SCHIP1: variants seen among roughly 807,000 people sequenced by gnomAD.
The protein encoded by SCHIP1 is schwannomin-interacting protein 1.
A neutral mutation model predicts 29.7 loss-of-function variants in SCHIP1; 8 were observed. That is an observed-to-expected ratio of 0.27 (90% CI 0.16 to 0.49). The LOEUF is 0.49. Among genes scored for constraint, SCHIP1 ranks in the 20% least tolerant of loss-of-function variants. The pLI, the probability that SCHIP1 is intolerant of heterozygous loss-of-function variation, is 0.99. For synonymous variants in SCHIP1, 76 were observed against 94.9 expected (o/e 0.80, Z 1.16); for missense variants, 193 against 294.6 (o/e 0.66, Z 2.52).
chr3:159,606,899 C>T, the SCHIP1 span, among the ~76,000 whole-genome samples: 1 of 152,136 alleles, frequency 6.6e-6, no homozygotes, highest in African/African-American at 2.4e-5. Context: ...AAGTGCTTAA[C>T]CTCCTGGGCC....
chr3:159,633,059 G>A, the SCHIP1 span, among the ~76,000 whole-genome samples: 1 of 152,110 alleles, frequency 6.6e-6, no homozygotes, highest in Non-Finnish European at 1.5e-5. Context: ...CCACACCCTT[G>A]AAAACTCAGA....
chr3:159,595,549 A>G, the SCHIP1 span, among the ~76,000 whole-genome samples: 1 of 152,122 alleles, frequency 6.6e-6, no homozygotes, highest in Non-Finnish European at 1.5e-5. Context: ...TGATCCCAAA[A>G]CACAAGACAA....
At chr3:159,587,290 A>G in the SCHIP1 span, among the ~76,000 whole-genome samples, 1 of 152,186 alleles carries the variant, frequency 6.6e-6, no homozygotes, top group African/African-American at 2.4e-5. Flanking sequence ...CTTTTAAACG[A>G]AAGTATCTTT....
the SCHIP1 span, among the ~76,000 whole-genome samples, chr3:159,432,623 C>T: frequency 6.6e-6 from 1 of 152,070 alleles, no homozygotes; most frequent in Non-Finnish European, 1.5e-5. Flanking sequence ...TGGGGAATCT[C>T]ACACTGGAGA....
the SCHIP1 span, among the ~76,000 whole-genome samples, chr3:159,402,919 C>G: frequency 6.6e-6 from 1 of 151,096 alleles, no homozygotes; most frequent in Non-Finnish European, 1.5e-5. Context: ...TCCCCTAAAA[C>G]TTAAAGTATA....
the SCHIP1 span, among the ~76,000 whole-genome samples, chr3:159,445,132 C>A: frequency 3.9e-5 from 6 of 152,012 alleles, no homozygotes; most frequent in African/African-American, 1.4e-4. Context: ...ACTCATCTGA[C>A]AAAGGGCTAA....
chr3:159,681,989 G>A, the SCHIP1 span, among the ~76,000 whole-genome samples: 2 of 152,118 alleles, frequency 1.3e-5, no homozygotes, highest in Non-Finnish European at 2.9e-5. Context: ...ACTTAACTTG[G>A]ATTAACTCAA....
the SCHIP1 span, among the ~76,000 whole-genome samples, chr3:159,655,398 A>ATGG: frequency 4.6e-5 from 7 of 151,890 alleles, no homozygotes; most frequent in East Asian, 1.9e-4. Flanking sequence ...GATGATGATG[A>ATGG]TGGTGATGAT....
At chr3:159,374,563 T>A in the SCHIP1 span, among the ~76,000 whole-genome samples, 15 of 152,254 alleles carry the variant, frequency 9.9e-5, no homozygotes, top group East Asian at 2.7e-3. Context: ...TACTTAATGA[T>A]GAGACATGAC....
At chr3:159,350,939 C>T in the SCHIP1 span, among the ~76,000 whole-genome samples, 4 of 151,810 alleles carry the variant, frequency 2.6e-5, no homozygotes, top group African/African-American at 9.7e-5. Flanking sequence ...TTAAAAAAAA[C>T]CAAAATCTGT....
the SCHIP1 span, among the ~76,000 whole-genome samples, chr3:159,396,487 C>T: frequency 9.5e-5 from 14 of 147,504 alleles, no homozygotes; most frequent in Admixed American, 7.5e-4. Context: ...TTTAGTGCTT[C>T]CTTCAGGAGC....
chr3:159,800,712 C>T, the SCHIP1 span, among the ~76,000 whole-genome samples: 1 of 150,062 alleles, frequency 6.7e-6, no homozygotes, highest in African/African-American at 2.4e-5. Flanking sequence ...CCTGCAGTTT[C>T]CCTAACATTC....
the SCHIP1 span, among the ~76,000 whole-genome samples, chr3:159,694,853 T>G: frequency 1.3e-5 from 2 of 152,182 alleles, no homozygotes; most frequent in African/African-American, 4.8e-5. Flanking sequence ...GCATCTCAAT[T>G]ACCTTATGAT....
At chr3:159,738,870 G>A in the SCHIP1 span, among the ~76,000 whole-genome samples, 2 of 152,152 alleles carry the variant, frequency 1.3e-5, no homozygotes, top group Non-Finnish European at 2.9e-5. Context: ...AGGTAAGATC[G>A]AATATGGAAA....
chr3:159,301,864 A>C, the SCHIP1 span, among the ~76,000 whole-genome samples: 1 of 152,334 alleles, frequency 6.6e-6, no homozygotes, highest in Admixed American at 6.5e-5. Flanking sequence ...GAACGGACTA[A>C]TACAGGAACC....
the SCHIP1 span, among the ~76,000 whole-genome samples, chr3:159,642,656 T>C: frequency 6.6e-6 from 1 of 151,962 alleles, no homozygotes; most frequent in East Asian, 1.9e-4. Flanking sequence ...AGGCAAAAAA[T>C]AAAAATCACA....
chr3:159,612,703 C>T, the SCHIP1 span, among the ~76,000 whole-genome samples: 16 of 152,272 alleles, frequency 1.1e-4, no homozygotes, highest in South Asian at 2.1e-4. Context: ...GCCGAGATCA[C>T]GCCATTGCAC....
At chr3:159,587,360 G>T in the SCHIP1 span, among the ~76,000 whole-genome samples, 1 of 149,394 alleles carries the variant, frequency 6.7e-6, no homozygotes, top group African/African-American at 2.5e-5. Context: ...AGAACAAGAT[G>T]AATAAAAAAC....
chr3:159,456,176 G>A, the SCHIP1 span, among the ~76,000 whole-genome samples: 1 of 152,058 alleles, frequency 6.6e-6, no homozygotes, highest in Non-Finnish European at 1.5e-5. Context: ...GAGCTTGCTG[G>A]GTTGGCTAGT....
Sources: allele counts gnomAD v4.1 joint callset (sites outside exome capture counted in the v4.1 genomes callset), GRCh38; gene constraint gnomAD v4.1.1; transcripts MANE v1.5; gene names NCBI Gene and HGNC (gene_info 2026-07-23, HGNC 2026-07-21).